The following TRNAU1AP variants were observed in gnomAD, a reference collection of about 807,000 sequenced individuals.
TRNAU1AP encodes tRNA selenocysteine 1-associated protein 1.
In TRNAU1AP, 33 loss-of-function variants were observed where a neutral mutation model predicts 43.3. That is an observed-to-expected ratio of 0.76 (90% confidence interval 0.58 to 1.02). The LOEUF (loss-of-function observed/expected upper bound fraction) is 1.02. TRNAU1AP is among the 50% of genes least tolerant of loss of function. The pLI is 0.00. For synonymous variants in TRNAU1AP, 143 were observed against 129.1 expected, an observed-to-expected ratio of 1.11 and a Z score of -0.73; for missense variants, 290 against 362.7, an observed-to-expected ratio of 0.80 and a Z score of 1.63.
chr1:28,560,560 G>A, intron 2 of TRNAU1AP, 73 bp from the exon 3 acceptor site: 1 of 1,243,112 alleles, frequency 8.0e-7, no homozygotes, highest in African/African-American at 1.5e-5. Flanking sequence ...ATATGCGTGA[G>A]CCATCACGCC....
intron 6 of TRNAU1AP, among the ~76,000 whole-genome samples, chr1:28,570,560 GT>G (rs199816366): frequency 1.2e-4 from 17 of 143,200 alleles, no homozygotes; most frequent in East Asian, 8.2e-4. Flanking sequence ...TTTTTGTTTT[GT>G]TTTTTTTTTT....
chr1:28,576,544 C>T (rs1448658791), intron 8 of TRNAU1AP, among the ~76,000 whole-genome samples: 7 of 152,086 alleles, frequency 4.6e-5, no homozygotes, highest in Admixed American at 3.9e-4. Flanking sequence ...GTCTCGATCT[C>T]TTGACCTTGT....
intron 6 of TRNAU1AP, 123 bp from the exon 7 acceptor site, chr1:28,571,053 A>T: frequency 1.1e-6 from 1 of 913,312 alleles, no homozygotes; most frequent in Non-Finnish European, 1.6e-6. Context: ...CAACAGAGCA[A>T]GACTCTGTCT....
intron 8 of TRNAU1AP, among the ~76,000 whole-genome samples, chr1:28,574,244 C>A (rs1008962442): frequency 2.6e-5 from 4 of 151,834 alleles, no homozygotes; most frequent in Admixed American, 6.6e-5. Flanking sequence ...TGCACCACCA[C>A]GCTCGGCTAA....
At chr1:28,557,324 G>A (rs184970011) in intron 2 of TRNAU1AP, among the ~76,000 whole-genome samples, 4,933 of 151,548 alleles carry the variant, frequency 0.033, 294 homozygotes, top group African/African-American at 0.11. Flanking sequence ...GGAGGCTGAG[G>A]CAGGAGAATG....
At chr1:28,554,529 A>T (rs1401207354) in intron 2 of TRNAU1AP, among the ~76,000 whole-genome samples, 1 of 152,116 alleles carries the variant, frequency 6.6e-6, no homozygotes, top group Non-Finnish European at 1.5e-5. Context: ...TATTATGAAG[A>T]GGCTTAATAA....
rs1225697160 is a variant in TRNAU1AP at position 28,564,762 on chromosome 1, A to G, written c.338A>G (p.Tyr113Cys). 5 of 1,614,152 alleles carry G rather than the reference A, an allele frequency of 3.1e-6. No individual in the cohort carries two copies. Among genetic ancestry groups the G allele is most frequent in the Non-Finnish European group, 4.2e-6 (5 of 1,180,014 alleles). The part of the protein sequence containing the change: ...LTPDVDDGML[Y>C]EFFVKVYPSC... ...CCGGACGTGGATGATGGCATGCTGT[A>G]TGAATTCTTCGTCAAAGTCTACCCC... Residue 113 changes from tyrosine to cysteine, a missense_variant, in exon 5 of 9, where the codon TAT becomes TGT. Tyr to Cys is a radical substitution (Grantham distance 194). Transcript: ENST00000373830.
At chr1:28,560,903 TTG>T (rs1458239098) in intron 3 of TRNAU1AP, 171 bp downstream of exon 3, 11 of 873,376 alleles carry the variant, frequency 1.3e-5, no homozygotes, top group African/African-American at 1.7e-5. Context: ...TTGAAATAAC[TTG>T]TCCAAGGCAA....
rs1235587340 is a variant in TRNAU1AP at position 28,578,240 on chromosome 1, A to G, written c.*604A>G. On this transcript the variant is annotated 3_prime_UTR_variant, in exon 9 of 9. Coordinates refer to ENST00000373830, the MANE Select transcript of TRNAU1AP (RefSeq NM_017846.5). The stretch of plus-strand genomic sequence containing the variant: ...AGGCCTGGATCACTTTAGGATCAAT[A>G]TTTTGACACGGGAGAAGGCAGCTCA... 1 of 159,768 alleles carries G rather than the reference A, an allele frequency of 6.3e-6. No individual in the cohort carries two copies. Among genetic ancestry groups the G allele is most frequent in the Non-Finnish European group, 1.4e-5 (1 of 72,394 alleles). 9.9% of individuals were successfully genotyped at this position (159,768 alleles called of 1,614,324 possible).
chr1:28,562,205 C>T (rs1037176638), intron 4 of TRNAU1AP, among the ~76,000 whole-genome samples: 6 of 152,196 alleles, frequency 3.9e-5, no homozygotes, highest in Non-Finnish European at 8.8e-5. Context: ...TGCATTAACC[C>T]TATAATTCTA....
At chr1:28,570,562 T>A (rs961821923) in intron 6 of TRNAU1AP, among the ~76,000 whole-genome samples, 11 of 150,380 alleles carry the variant, frequency 7.3e-5, no homozygotes, top group Admixed American at 2.0e-4. Context: ...TTTGTTTTGT[T>A]TTTTTTTTTA....
chr1:28,571,688 C>T (rs9426430), intron 7 of TRNAU1AP, among the ~76,000 whole-genome samples, 179 bp from the exon 8 acceptor site: 36,330 of 151,006 alleles, frequency 0.24, 4,546 homozygotes, highest in Middle Eastern at 0.34. Context: ...GAGACTGAGG[C>T]AGGAGAATCT....
At chr1:28,571,084 CGG>C in intron 6 of TRNAU1AP, 90 bp from the exon 7 acceptor site, 1 of 1,263,454 alleles carries the variant, frequency 7.9e-7, no homozygotes, top group Non-Finnish European at 1.1e-6. Context: ...AAAAGTTAAT[CGG>C]TATAAAGCAC....
intron 1 of TRNAU1AP, 139 bp from the exon 2 acceptor site, chr1:28,553,501 C>T: frequency 1.3e-6 from 1 of 770,470 alleles, no homozygotes; most frequent in South Asian, 1.7e-5. Context: ...GGGTTTCAGG[C>T]CGCTCAGTGG....
At chr1:28,575,903 C>CA (rs200045660) in intron 8 of TRNAU1AP, among the ~76,000 whole-genome samples, 4,014 of 142,660 alleles carry the variant, frequency 0.028, 237 homozygotes, top group African/African-American at 0.1. Context: ...GCTCTGTCGC[C>CA]AGGCTGGAGT....
Position 28,560,677 on chromosome 1 carries a change from C to T in TRNAU1AP, c.170C>T (p.Thr57Ile). ...TTTGTAGAATTTGCAGATTTGGCCA[C>T]AGCTGAGAAGTGTTTGCATAAAATT... ...YCFVEFADLA[T>I]AEKCLHKING... Residue 57 changes from threonine (T) to isoleucine (I), a missense_variant, in exon 3 of 9, where the codon ACA (threonine) becomes ATA (isoleucine). Around this residue, in one of 3 missense-constraint regions of TRNAU1AP, gnomAD observed 174 missense variants for 262.1 expected, o/e 0.66. Coordinates refer to ENST00000373830, the MANE Select transcript of TRNAU1AP (RefSeq NM_017846.5). 1 of 1,614,144 alleles carries T rather than the reference C, an allele frequency of 6.2e-7. No individual in the cohort carries two copies.
chr1:28,561,237 A>G, intron 3 of TRNAU1AP, 109 bp from the exon 4 acceptor site: 1 of 1,525,940 alleles, frequency 6.6e-7, no homozygotes. Flanking sequence ...TGAGGCTTAG[A>G]GAGGGGGAGA....
At position 28,578,449 on chromosome 1, in the gene TRNAU1AP, C is replaced by CTGA. The variant is rs1272858849; in HGVS notation, c.*815_*816insATG. The CTGA allele has an allele frequency of 7.7e-6, 2 of 258,776 alleles. No individual in the cohort carries two copies. Among genetic ancestry groups the CTGA allele is most frequent in the Non-Finnish European group, 1.5e-5 (2 of 129,470 alleles). The allele number at this position is 258,776 out of a possible 1,614,324, so 16.0% of individuals were successfully genotyped here. A position where few individuals can be genotyped will look rare whatever the true frequency, so the allele number is the denominator to read the frequency against. ...AAATCTCCAAAGATCTCTTTAAGGG[C>CTGA]TGGGCATGGTGGCTCACTTTGGGAG... On this transcript the variant is annotated 3_prime_UTR_variant, in exon 9 of 9. Coordinates refer to ENST00000373830, the MANE Select transcript of TRNAU1AP (RefSeq NM_017846.5).
intron 2 of TRNAU1AP, among the ~76,000 whole-genome samples, chr1:28,558,765 C>G (rs1048317378): frequency 5.9e-5 from 9 of 151,936 alleles, no homozygotes; most frequent in African/African-American, 1.9e-4. Flanking sequence ...TGGGGTTTCA[C>G]TGTGTTAGCC....
Sources: gnomAD v4.1 joint callset for allele counts (sites outside exome capture counted in the v4.1 genomes callset) on GRCh38, gnomAD v4.1.1 for gene constraint, gnomAD v4.1.1 regional missense constraint, MANE v1.5 for transcripts, NCBI Gene and HGNC (gene_info 2026-07-23, HGNC 2026-07-21) for gene names.